NRXN1: variants seen among roughly 807,000 people sequenced by gnomAD.
NRXN1 encodes neurexin-1.
In NRXN1, 39 loss-of-function variants were observed where a neutral mutation model predicts 150.9. That is an observed-to-expected ratio of 0.26 (90% CI 0.20 to 0.34). The LOEUF is 0.34. NRXN1 is among the 10% of genes least tolerant of loss of function. The pLI is 1.00. For missense variants in NRXN1, 1,815 were observed against 1,949.9 expected (o/e 0.93, Z 1.30); for synonymous variants, 924 against 757.0 (o/e 1.22, Z -3.62).
At chr2:50,248,399 G>A (rs1224296257) in intron 17 of NRXN1, among the ~76,000 whole-genome samples, 1 of 152,146 alleles carries the variant, frequency 6.6e-6, no homozygotes, top group Non-Finnish European at 1.5e-5. Context: ...ATGAAGTAGA[G>A]TTTGAGATTT....
intron 18 of NRXN1, among the ~76,000 whole-genome samples, chr2:50,223,820 T>C (rs2064112010): frequency 6.6e-6 from 1 of 151,934 alleles, no homozygotes; most frequent in Admixed American, 6.6e-5. Flanking sequence ...GGTCAAGACA[T>C]TGAGGCTTTA....
At chr2:51,020,932 C>T (rs896982821) in intron 2 of NRXN1, among the ~76,000 whole-genome samples, 12 of 151,902 alleles carry the variant, frequency 7.9e-5, no homozygotes, top group African/African-American at 2.7e-4. Context: ...AAAAGCCTTG[C>T]AATTTTCTGA....
At chr2:50,462,949 T>C (rs761668711) in intron 17 of NRXN1, among the ~76,000 whole-genome samples, 3 of 151,872 alleles carry the variant, frequency 2.0e-5, no homozygotes, top group Non-Finnish European at 2.9e-5. Flanking sequence ...ATGTGGCATG[T>C]TCGTTTCCCC....
intron 22 of NRXN1, among the ~76,000 whole-genome samples, chr2:49,931,917 T>C (rs1000853525): frequency 6.6e-6 from 1 of 152,176 alleles, no homozygotes; most frequent in Non-Finnish European, 1.5e-5. Flanking sequence ...TATATATAGA[T>C]AATTGAATAA....
chr2:50,309,408 G>T (rs1376125585), intron 17 of NRXN1, among the ~76,000 whole-genome samples: 2 of 152,082 alleles, frequency 1.3e-5, no homozygotes, highest in East Asian at 3.9e-4. Context: ...CTTTATTTGG[G>T]ATATGAGAGT....
At chr2:50,830,821 A>T (rs891802463) in intron 5 of NRXN1, among the ~76,000 whole-genome samples, 1 of 151,882 alleles carries the variant, frequency 6.6e-6, no homozygotes, top group Non-Finnish European at 1.5e-5. Flanking sequence ...CAACATAAGC[A>T]TACTCCATGG....
At chr2:50,481,800 C>T (rs1212402537) in intron 15 of NRXN1, among the ~76,000 whole-genome samples, 2 of 104,020 alleles carry the variant, frequency 1.9e-5, no homozygotes, top group East Asian at 5.2e-4. Flanking sequence ...GAGTCTCGCT[C>T]TGTCGCCCAG....
chr2:50,932,067 T>C (rs567970900), intron 2 of NRXN1, among the ~76,000 whole-genome samples: 9 of 152,140 alleles, frequency 5.9e-5, no homozygotes, highest in African/African-American at 2.2e-4. Context: ...TTTCACCATG[T>C]TGGCCAGGTG....
At chr2:50,357,563 C>G (rs1219675794) in intron 17 of NRXN1, among the ~76,000 whole-genome samples, 1 of 152,090 alleles carries the variant, frequency 6.6e-6, no homozygotes, top group Non-Finnish European at 1.5e-5. Context: ...TCACCTCGGC[C>G]TCCCAAAGTG....
intron 17 of NRXN1, among the ~76,000 whole-genome samples, chr2:50,240,804 G>A (rs138630195): frequency 4.6e-5 from 7 of 151,748 alleles, no homozygotes; most frequent in Non-Finnish European, 8.9e-5. Flanking sequence ...ATATTACAAA[G>A]TAACATTTAG....
intron 17 of NRXN1, among the ~76,000 whole-genome samples, chr2:50,381,572 C>CACACAG (rs1250727282): frequency 2.2e-5 from 3 of 135,228 alleles, no homozygotes; most frequent in African/African-American, 8.8e-5. Context: ...CACACACACA[C>CACACAG]AATCTGCTTT....
chr2:50,376,107 G>T (rs1200167482), intron 17 of NRXN1, among the ~76,000 whole-genome samples: 1 of 151,144 alleles, frequency 6.6e-6, no homozygotes, highest in Non-Finnish European at 1.5e-5. Context: ...TAAAGGAAAT[G>T]GTGAAAGGAT....
chr2:50,415,380 T>A (rs2083463649), intron 17 of NRXN1, among the ~76,000 whole-genome samples: 1 of 152,074 alleles, frequency 6.6e-6, no homozygotes, highest in African/African-American at 2.4e-5. Context: ...TATAATTTAA[T>A]CATTGTATTT....
At chr2:50,723,948 T>C (rs1430096245) in intron 5 of NRXN1, among the ~76,000 whole-genome samples, 1 of 152,222 alleles carries the variant, frequency 6.6e-6, no homozygotes, top group African/African-American at 2.4e-5. Flanking sequence ...AGCAAAAAGA[T>C]GACAGGAATA....
At chr2:50,489,186 G>A (rs2091080716) in intron 15 of NRXN1, among the ~76,000 whole-genome samples, 1 of 152,204 alleles carries the variant, frequency 6.6e-6, no homozygotes. Context: ...ACCTCCTTGT[G>A]GCTGTTCCAA....
chr2:50,314,536 T>G (rs966132855), intron 17 of NRXN1, among the ~76,000 whole-genome samples: 1 of 151,914 alleles, frequency 6.6e-6, no homozygotes, highest in African/African-American at 2.4e-5. Context: ...TCATTCCATA[T>G]AATTATGGGT....
At position 50,510,635 on chromosome 2, in the gene NRXN1, T is replaced by C. The variant is rs750391012; in HGVS notation, c.2375-4018A>G. On this transcript the variant is annotated intron_variant, in intron 12 of 22. Transcript: ENST00000401669. The stretch of plus-strand genomic sequence containing the variant: ...GTAATTTTACACTTGATTTTTACTG[T>C]AACATATTATTTAAGCCAGATATAT... Among the ~76,000 whole-genome samples the C allele has an allele frequency of 7.9e-5, 12 of 152,144 alleles. No homozygotes were observed. The East Asian group carries it at 1.2e-3, about 15-fold the overall frequency.
chr2:50,048,763 T>C (rs1692229918), intron 21 of NRXN1, among the ~76,000 whole-genome samples: 5 of 152,194 alleles, frequency 3.3e-5, no homozygotes, highest in Admixed American at 3.3e-4. Flanking sequence ...TCTTGAACTC[T>C]CAATAGTTCC....
chr2:50,451,715 T>C (rs1442166717), intron 17 of NRXN1, among the ~76,000 whole-genome samples: 1 of 152,218 alleles, frequency 6.6e-6, no homozygotes, highest in Non-Finnish European at 1.5e-5. Flanking sequence ...GATCTGTGGA[T>C]GGCAGAAAAT....
Sources: gnomAD v4.1 joint callset for allele counts (sites outside exome capture counted in the v4.1 genomes callset) on GRCh38, gnomAD v4.1.1 for gene constraint, MANE v1.5 for transcripts, NCBI Gene and HGNC (gene_info 2026-07-23, HGNC 2026-07-21) for gene names.